Variants in DYNLT2B observed in about 807,000 individuals in gnomAD.
DYNLT2B encodes dynein light chain Tctex-type 2B.
A neutral mutation model predicts 19.5 loss-of-function variants in DYNLT2B; 14 were observed. The observed-to-expected ratio is 0.72, with a 90% confidence interval of 0.47 to 1.12. The LOEUF (loss-of-function observed/expected upper bound fraction) is 1.12. DYNLT2B is among the 50% of genes most tolerant of loss of function. DYNLT2B has a pLI of 0.00. For synonymous variants in DYNLT2B, 70 were observed against 59.7 expected (o/e 1.17, Z -0.79); for missense variants, 133 against 174.7 (o/e 0.76, Z 1.35).
chr3:196,295,453 G>A (rs925400577), intron 4 of DYNLT2B, among the ~76,000 whole-genome samples: 8 of 152,062 alleles, frequency 5.3e-5, no homozygotes, highest in African/African-American at 1.9e-4. Flanking sequence ...GAGCCACCGC[G>A]CCTGGCCTGA....
chr3:196,309,545 G>A (rs915288752), intron 2 of DYNLT2B, among the ~76,000 whole-genome samples: 9 of 151,870 alleles, frequency 5.9e-5, no homozygotes, highest in South Asian at 2.1e-4. Context: ...GATTACGGAC[G>A]TGAGCCACCA....
chr3:196,315,266 C>CTTTT, intron 2 of DYNLT2B: 1 of 374,840 alleles, frequency 2.7e-6, no homozygotes, highest in African/African-American at 2.3e-5. Context: ...TTTTATTTTG[C>CTTTT]TTTTTTTTTT....
intron 3 of DYNLT2B, among the ~76,000 whole-genome samples, chr3:196,306,503 T>C (rs1290077924): frequency 6.6e-6 from 1 of 152,004 alleles, no homozygotes; most frequent in Non-Finnish European, 1.5e-5. Context: ...TAACAGCATA[T>C]TTTATGATAT....
intron 3 of DYNLT2B, chr3:196,305,892 G>A (rs1726473086): frequency 6.5e-6 from 1 of 153,110 alleles, no homozygotes; most frequent in African/African-American, 2.4e-5. Context: ...CAGATGCTGT[G>A]GTGTGCACCT....
chr3:196,310,629 T>C (rs984768097), intron 2 of DYNLT2B, among the ~76,000 whole-genome samples: 1 of 151,378 alleles, frequency 6.6e-6, no homozygotes, highest in African/African-American at 2.4e-5. Context: ...GGTTTCACCA[T>C]GTTGCCCAGG....
At chr3:196,315,483 A>C (rs979409842) in intron 2 of DYNLT2B, among the ~76,000 whole-genome samples, 1 of 151,400 alleles carries the variant, frequency 6.6e-6, no homozygotes, top group Non-Finnish European at 1.5e-5. Flanking sequence ...GGATGGTCTC[A>C]ATCTCCTGAC....
intron 3 of DYNLT2B, 182 bp from the exon 4 acceptor site, chr3:196,296,251 AAC>A: frequency 1.8e-6 from 1 of 546,996 alleles, no homozygotes; most frequent in Non-Finnish European, 3.2e-6. Flanking sequence ...AAACCGGAGA[AAC>A]TAGAGTCAGA....
intron 3 of DYNLT2B, among the ~76,000 whole-genome samples, chr3:196,302,531 A>C (rs1726381619): frequency 6.6e-6 from 1 of 152,242 alleles, no homozygotes. Flanking sequence ...GTATTGAATA[A>C]TCATCCAAAG....
Position 196,318,203 on chromosome 3 carries a change from G to C in DYNLT2B, c.-51C>G, listed in dbSNP as rs573467978. ...GCTCGCGATGAAGGCCTAGCGGGTT[G>C]CGGTCGCGGCCGGCAGCAGGGAAAG... On this transcript the variant is annotated 5_prime_UTR_variant, in exon 1 of 5. Transcript: ENST00000325318. The C allele has an allele frequency of 1.2e-4, 140 of 1,146,472 alleles. 2 individuals are homozygous for C. In the Middle Eastern group the frequency reaches 1.5e-3, roughly 12 times the overall value. The allele number at this position is 1,146,472 out of a possible 1,614,324, so 71.0% of individuals were successfully genotyped here.
In DYNLT2B at chr3:196,309,589, T is replaced by C. The variant is rs573532717; in HGVS notation, c.248-2577A>G. Among the ~76,000 whole-genome samples the C allele has an allele frequency of 2.0e-5, 3 of 151,726 alleles. No homozygotes were observed. The East Asian group carries it at 5.8e-4, about 29-fold the overall frequency. On this transcript the variant is annotated intron_variant, in intron 2 of 4. Transcript: ENST00000325318. ...CCACAAAACAATTTTTCAAAAAATA[T>C]TGAAGAAAAGAAAGAAACTTCCAGT...
intron 3 of DYNLT2B, among the ~76,000 whole-genome samples, chr3:196,301,076 AG>A (rs1726342595): frequency 6.6e-6 from 1 of 152,046 alleles, no homozygotes; most frequent in African/African-American, 2.4e-5. Flanking sequence ...GAAAAAAAAA[AG>A]GGATGAATTT....
intron 2 of DYNLT2B, among the ~76,000 whole-genome samples, chr3:196,308,082 GAA>G (rs201886079): frequency 0.34 from 37,453 of 108,660 alleles, 6,451 homozygotes; most frequent in East Asian, 0.82. Flanking sequence ...ACTCCATCTC[GAA>G]AAAAAAAAAA....
chr3:196,312,685 C>T (rs201687741), intron 2 of DYNLT2B, among the ~76,000 whole-genome samples: 1 of 152,088 alleles, frequency 6.6e-6, no homozygotes, highest in Non-Finnish European at 1.5e-5. Context: ...TCTCAAACTC[C>T]TGACCTCGGG....
chr3:196,317,060 GTGGTGTGTGT>G lies in DYNLT2B; in HGVS notation c.114-839_114-830del, dbSNP rs1463203975. Reference sequence around the variant, plus strand: ...TGTGTGTGTGTTGTGTGGTGTGTGTGTGGTGTGTGTGTGTGTGTGTGTGTGTGTAAAGTTA... The same window carrying G: ...TGTGTGTGTGTTGTGTGGTGTGTGTGGTGTGTGTGTGTGTGTGTAAAGTTA... On this transcript the variant is annotated intron_variant, in intron 1 of 4. Transcript: ENST00000325318. 8.2e-5 allele frequency among the ~76,000 whole-genome samples: 7 copies of G among 85,720 alleles called. 2 individuals carry two copies. The allele number at this position is 85,720 out of a possible 152,430, so 56.2% of individuals were successfully genotyped here. A position where few individuals can be genotyped will look rare whatever the true frequency, so the allele number is the denominator to read the frequency against.
rs1470351073 is a variant in DYNLT2B, at chr3:196,317,180, TGTTG to T, written c.113+856_113+859del. Among the ~76,000 whole-genome samples, 4 of 84,444 alleles carry T rather than the reference TGTTG, an allele frequency of 4.7e-5. 1 individual carries two copies. The highest frequency in any genetic ancestry group is 7.0e-4 in the East Asian group (2 of 2,868). 55.4% of individuals were successfully genotyped at this position (84,444 alleles called of 152,430 possible). ...GTGTGTGTGTGTGTGTGTGTGTGTG[TGTTG>T]TGTGTGTGTGTGTAAAGTTAGTGAT... On this transcript the variant is annotated intron_variant, in intron 1 of 4. Coordinates refer to ENST00000325318, the MANE Select transcript of DYNLT2B (RefSeq NM_152773.5).
intron 3 of DYNLT2B, among the ~76,000 whole-genome samples, chr3:196,302,735 T>C (rs1726387539): frequency 1.3e-5 from 2 of 152,068 alleles, no homozygotes; most frequent in African/African-American, 2.4e-5. Flanking sequence ...GAGTACAGGA[T>C]GAACACGGAG....
intron 3 of DYNLT2B, chr3:196,297,978 T>C (rs977857792): frequency 1.9e-5 from 3 of 156,692 alleles, no homozygotes; most frequent in African/African-American, 4.8e-5. Flanking sequence ...GTTCAGACAG[T>C]GGTGACGTTT....
At chr3:196,291,395 A>C (rs781012123) in intron 4 of DYNLT2B, 21 bp from the exon 5 acceptor site, 7 of 1,606,716 alleles carry the variant, frequency 4.4e-6, no homozygotes. Context: ...AATACAACAC[A>C]CACACACATC....
At chr3:196,304,508 T>C (rs1221192186) in intron 3 of DYNLT2B, among the ~76,000 whole-genome samples, 1 of 151,952 alleles carries the variant, frequency 6.6e-6, no homozygotes, top group African/African-American at 2.4e-5. Flanking sequence ...CCTGGCTGGG[T>C]GCAGTGGCTC....
Sources: allele counts gnomAD v4.1 joint callset (sites outside exome capture counted in the v4.1 genomes callset), GRCh38; gene constraint gnomAD v4.1.1; transcripts MANE v1.5; gene names NCBI Gene and HGNC (gene_info 2026-07-23, HGNC 2026-07-21).